The following SBF2 variants were observed in gnomAD, a reference collection of about 807,000 sequenced individuals.
The protein encoded by SBF2 is myotubularin-related protein 13.
In SBF2, 112 loss-of-function variants were observed where a neutral mutation model predicts 225.2. The observed-to-expected ratio is 0.50, with a 90% CI of 0.43 to 0.58. The LOEUF (loss-of-function observed/expected upper bound fraction) is 0.58, where lower values mean the gene tolerates loss of function less well. Ranked by LOEUF, SBF2 falls within the 20% of genes least tolerant of loss-of-function variation. The pLI is 0.00. For missense variants in SBF2, 1,996 were observed against 2,206.2 expected, an observed-to-expected ratio of 0.90 and a Z score of 1.91; for synonymous variants, 763 against 773.3, an observed-to-expected ratio of 0.99 and a Z score of 0.22.
At chr11:10,259,795 A>T (rs928787975) in intron 1 of SBF2, among the ~76,000 whole-genome samples, 1 of 152,126 alleles carries the variant, frequency 6.6e-6, no homozygotes, top group African/African-American at 2.4e-5. Flanking sequence ...ATAAAAAATA[A>T]TTTTTTATTT....
chr11:9,889,048 A>G (rs954909644), intron 17 of SBF2, among the ~76,000 whole-genome samples: 1 of 152,200 alleles, frequency 6.6e-6, no homozygotes, highest in African/African-American at 2.4e-5. Context: ...CATGAGAAAC[A>G]CCAGGCTTTG....
chr11:9,922,583 T>C (rs1436552601), intron 16 of SBF2, among the ~76,000 whole-genome samples: 1 of 151,566 alleles, frequency 6.6e-6, no homozygotes, highest in African/African-American at 2.4e-5. Context: ...CTTTTTTTTA[T>C]TTCACACAAA....
chr11:10,135,692 T>G (rs950073607), intron 2 of SBF2, among the ~76,000 whole-genome samples: 27 of 152,208 alleles, frequency 1.8e-4, no homozygotes, highest in Non-Finnish European at 3.4e-4. Context: ...CAGTTCCCAA[T>G]AAGTTCTTCA....
chr11:9,781,416 CCA>C, intron 39 of SBF2, 89 bp downstream of exon 39: 2 of 1,557,000 alleles, frequency 1.3e-6, no homozygotes, highest in Non-Finnish European at 1.8e-6. Context: ...TCTGTAGTCA[CCA>C]CCAATTACTC....
At chr11:10,166,641 G>C (rs1006958159) in intron 2 of SBF2, among the ~76,000 whole-genome samples, 1 of 152,020 alleles carries the variant, frequency 6.6e-6, no homozygotes, top group African/African-American at 2.4e-5. Flanking sequence ...CCCTGGTATC[G>C]AAAGTAATAG....
chr11:10,188,968 C>T (rs944887578), intron 2 of SBF2, among the ~76,000 whole-genome samples: 1 of 152,182 alleles, frequency 6.6e-6, no homozygotes, highest in Non-Finnish European at 1.5e-5. Flanking sequence ...CAACTCTATG[C>T]CAAATCAAGA....
At chr11:10,107,886 C>T (rs1282200553) in intron 2 of SBF2, among the ~76,000 whole-genome samples, 1 of 152,086 alleles carries the variant, frequency 6.6e-6, no homozygotes, top group Non-Finnish European at 1.5e-5. Context: ...GGGGTGGGGA[C>T]ACCATTCAAC....
intron 21 of SBF2, among the ~76,000 whole-genome samples, chr11:9,850,744 A>T (rs1328526573): frequency 6.6e-6 from 1 of 152,244 alleles, no homozygotes; most frequent in Non-Finnish European, 1.5e-5. Flanking sequence ...GTAAAAGTAA[A>T]GTCATTGAGA....
chr11:9,923,736 G>A (rs1863811485), intron 16 of SBF2, among the ~76,000 whole-genome samples: 1 of 152,126 alleles, frequency 6.6e-6, no homozygotes. Flanking sequence ...TATTGGCAAA[G>A]TATCTGTACC....
chr11:9,795,197 T>C (rs1018178484), intron 33 of SBF2, among the ~76,000 whole-genome samples: 3 of 152,232 alleles, frequency 2.0e-5, no homozygotes, highest in Admixed American at 6.5e-5. Context: ...ATTAAAAAAA[T>C]AGTTCATCAC....
chr11:9,856,854 C>T lies in SBF2; in HGVS notation c.2101-134G>A, dbSNP rs1393986200. 7 of 864,474 alleles carry T rather than the reference C, an allele frequency of 8.1e-6. No homozygotes were observed. The Admixed American group carries it at 1.4e-4, about 17-fold the overall frequency. The allele number at this position is 864,474 out of a possible 1,614,324, so 53.6% of individuals were successfully genotyped here. A position where few individuals can be genotyped will look rare whatever the true frequency, so the allele number is the denominator to read the frequency against. On this transcript the variant is annotated intron_variant, in intron 18 of 39. Transcript: ENST00000256190. ...CCAGGCTGGAGTGCAGTGGCACGAT[C>T]TTGGCTCACTGCAAGCTCTGCCTCC...
intron 2 of SBF2, among the ~76,000 whole-genome samples, chr11:10,189,424 T>C (rs948757660): frequency 1.3e-5 from 2 of 152,202 alleles, no homozygotes; most frequent in African/African-American, 4.8e-5. Flanking sequence ...ATTGTATGTA[T>C]TGCATTCTAA....
intron 2 of SBF2, among the ~76,000 whole-genome samples, chr11:10,169,388 G>A (rs1464056686): frequency 1.3e-5 from 2 of 151,982 alleles, no homozygotes; most frequent in Admixed American, 6.5e-5. Context: ...CTCTCTATGA[G>A]ATCAATTGTT....
intron 26 of SBF2, among the ~76,000 whole-genome samples, chr11:9,832,648 A>T (rs1855472311): frequency 6.6e-6 from 1 of 152,076 alleles, no homozygotes; most frequent in African/African-American, 2.4e-5. Flanking sequence ...ACTTTGTTGT[A>T]CAGGCTGGTT....
intron 1 of SBF2, among the ~76,000 whole-genome samples, chr11:10,289,614 C>T (rs1290120394): frequency 6.6e-6 from 1 of 152,124 alleles, no homozygotes; most frequent in Non-Finnish European, 1.5e-5. Context: ...AGTGTCAGGC[C>T]TGGCAATCAC....
chr11:9,852,350 AG>A lies in SBF2; in HGVS notation c.2610+325del, dbSNP rs372184366. 6.6e-5 allele frequency among the ~76,000 whole-genome samples: 10 copies of A among 150,678 alleles called. No individual in the cohort carries two copies. In the East Asian group the frequency reaches 1.2e-3, roughly 18 times the overall value. On this transcript the variant is annotated intron_variant, in intron 21 of 39. Coordinates refer to ENST00000256190, the MANE Select transcript of SBF2 (RefSeq NM_030962.4). ...CTTAAATCCTTTTTGGTGGTGGGGG[AG>A]GGGGAGAAAATAGGCACAGTATAAA... is the stretch of plus-strand genomic sequence containing the variant.
Position 10,289,500 on chromosome 11 carries a change from G to C in SBF2, c.55+4515C>G, listed in dbSNP as rs575823055. 3.9e-5 allele frequency among the ~76,000 whole-genome samples: 6 copies of C among 152,254 alleles called. No individual in the cohort carries two copies. In the South Asian group the frequency reaches 1.2e-3, roughly 31 times the overall value. On this transcript the variant is annotated intron_variant, in intron 1 of 39. Coordinates refer to ENST00000256190, the MANE Select transcript of SBF2 (RefSeq NM_030962.4). ...CTCGCTGGGCCCAGGCCAGTATCTA[G>C]GGCAGAGGTAACATCTCTACGAGCT...
At chr11:10,094,731 C>T (rs1403846548) in intron 2 of SBF2, among the ~76,000 whole-genome samples, 4 of 151,370 alleles carry the variant, frequency 2.6e-5, no homozygotes, top group African/African-American at 4.9e-5. Flanking sequence ...CTTCAACTCC[C>T]GACCTCAGGT....
chr11:9,946,532 ACT>A (rs1865575066), intron 16 of SBF2, among the ~76,000 whole-genome samples: 2 of 150,736 alleles, frequency 1.3e-5, no homozygotes, highest in Admixed American at 1.3e-4. Flanking sequence ...CTCATGGCAA[ACT>A]CTGCCTCCCA....
Sources: allele counts gnomAD v4.1 joint callset (sites outside exome capture counted in the v4.1 genomes callset), GRCh38; gene constraint gnomAD v4.1.1; transcripts MANE v1.5; gene names NCBI Gene and HGNC (gene_info 2026-07-23, HGNC 2026-07-21).